The following ALDH7A1 variants were observed in gnomAD, a reference collection of about 807,000 sequenced individuals.
ALDH7A1 encodes the protein alpha-aminoadipic semialdehyde dehydrogenase.
Under a neutral mutation model 79.9 loss-of-function variants are expected in ALDH7A1, and 63 were observed. The ratio of observed to expected loss-of-function variants is 0.79; its 90% confidence interval spans 0.64 to 0.97. The LOEUF is 0.97. Among genes scored for constraint, ALDH7A1 ranks in the 50% least tolerant of loss-of-function variants. ALDH7A1 has a pLI of 0.00. For synonymous variants in ALDH7A1, 240 were observed against 231.2 expected (o/e 1.04, Z -0.34); for missense variants, 627 against 665.2 (o/e 0.94, Z 0.63).
At chr5:126,576,441 A>C (rs1479893203) in intron 6 of ALDH7A1, among the ~76,000 whole-genome samples, 1 of 152,196 alleles carries the variant, frequency 6.6e-6, no homozygotes, top group Admixed American at 6.5e-5. Flanking sequence ...TGCAAGCAAA[A>C]TGAGCTAAAG....
In ALDH7A1 at chr5:126,595,005, AC is replaced by A; in HGVS notation, c.192+1del. The A allele has an allele frequency of 6.3e-7, 1 of 1,594,896 alleles. No homozygotes were observed. Among genetic ancestry groups the A allele is most frequent in the Non-Finnish European group, 8.5e-7 (1 of 1,171,822 alleles). ...GCAGAGATTTCTTGAGCGCCCGCGT[AC>A]CTCTCCCCGGCCTCCCCAGCTTCCA... On this transcript the variant is annotated splice_donor_variant, in intron 1 of 17. Coordinates refer to ENST00000409134, the MANE Select transcript of ALDH7A1 (RefSeq NM_001182.5). LOFTEE classifies it high-confidence loss of function.
intron 7 of ALDH7A1, among the ~76,000 whole-genome samples, chr5:126,574,023 CAAAAAAA>C (rs34601459): frequency 3.8e-4 from 22 of 57,244 alleles, no homozygotes; most frequent in Admixed American, 6.5e-4. Flanking sequence ...AAGACTGTCT[CAAAAAAA>C]AAAAAAAAAA....
Position 126,555,344 on chromosome 5 carries a change from G to A in ALDH7A1, c.1093+587C>T, listed in dbSNP as rs144956138. ...CTAAAAATATGAAAATCAGTCAAGCGTGGTGGAATGCACCTGTAATCCCAG... is the reference window on the plus strand; with the variant it reads ...CTAAAAATATGAAAATCAGTCAAGCATGGTGGAATGCACCTGTAATCCCAG... On this transcript the variant is annotated intron_variant, in intron 12 of 17. Transcript: ENST00000409134. The A allele has an allele frequency of 3.7e-3, 575 of 154,926 alleles. 2 individuals carry two copies. The highest frequency in any genetic ancestry group is 7.9e-3 in the South Asian group (40 of 5,062). The allele number at this position is 154,926 out of a possible 1,614,324, so 9.6% of individuals were successfully genotyped here.
intron 10 of ALDH7A1, 75 bp from the exon 11 acceptor site, chr5:126,559,409 A>T: frequency 9.5e-7 from 1 of 1,047,574 alleles, no homozygotes; most frequent in Non-Finnish European, 1.4e-6. Context: ...GTATAAAACA[A>T]TGTTGTTTTT....
At position 126,595,176 on chromosome 5, in the gene ALDH7A1, A is replaced by T. The variant is rs796052255; in HGVS notation, c.23T>A (p.Leu8Gln). Residue 8 changes from leucine to glutamine, a missense_variant, in exon 1 of 18, where the codon CTG (leucine) becomes CAG (glutamine). Leu to Gln is a moderately radical substitution (Grantham distance 113). Coordinates refer to ENST00000409134, the MANE Select transcript of ALDH7A1 (RefSeq NM_001182.5). The stretch of plus-strand genomic sequence containing the variant: ...GCTGGTCTTTGCAGCGTGCACACAC[A>T]GCGCGCGAGGAAGGCGCCACATACT... MWRLPRA[L>Q]CVHAAKTSKL... The T allele has an allele frequency of 6.4e-7, 1 of 1,553,042 alleles. No homozygotes were observed. Among genetic ancestry groups the T allele is most frequent in the Non-Finnish European group, 8.7e-7 (1 of 1,147,630 alleles).
rs1750652628 is a variant in ALDH7A1 at position 126,568,109 on chromosome 5, T to A, written c.871+150A>T. ...GACTTCCCTAATATTCTACTGCTAA[T>A]AACTGTACCCTTTTCTTTTACTTAG... On this transcript the variant is annotated intron_variant, in intron 9 of 17. Coordinates refer to ENST00000409134, the MANE Select transcript of ALDH7A1 (RefSeq NM_001182.5). 11 of 740,670 alleles carry A rather than the reference T, an allele frequency of 1.5e-5. No individual in the cohort carries two copies. In the Admixed American group the frequency reaches 1.7e-4, roughly 11 times the overall value. The allele number at this position is 740,670 out of a possible 1,614,324, so 45.9% of individuals were successfully genotyped here.
At chr5:126,545,840 T>TG (rs1400441344) in intron 17 of ALDH7A1, among the ~76,000 whole-genome samples, 5 of 149,314 alleles carry the variant, frequency 3.3e-5, no homozygotes, top group African/African-American at 7.4e-5. Flanking sequence ...CAGCCCAGCA[T>TG]GGTGGCTCAT....
Position 126,568,318 on chromosome 5 carries a change from G to A in ALDH7A1, c.812C>T (p.Ser271Phe). The part of the protein sequence containing the change: ...MAKDERVNLL[S>F]FTGSTQVGKQ... ...TCCCACCTGAGTGCTCCCAGTGAAG[G>A]ACAGCAGGTTCACTCGTTCATCTTT... The change falls in exon 9 of 18, where the codon TCC (serine) becomes TTC (phenylalanine). Residue 271 changes from serine to phenylalanine, a missense_variant. Ser to Phe is a radical substitution (Grantham distance 155, BLOSUM62 -2). Transcript: ENST00000409134. 1 of 1,614,142 alleles carries A rather than the reference G, an allele frequency of 6.2e-7. No homozygotes were observed. Among genetic ancestry groups the A allele is most frequent in the Non-Finnish European group, 8.5e-7 (1 of 1,180,014 alleles).
intron 9 of ALDH7A1, among the ~76,000 whole-genome samples, chr5:126,563,933 A>G (rs1256756478): frequency 6.6e-6 from 1 of 151,894 alleles, no homozygotes; most frequent in Non-Finnish European, 1.5e-5. Flanking sequence ...TACAACAAGC[A>G]CGTGTCACAA....
At chr5:126,583,208 C>A (rs1679536383) in intron 4 of ALDH7A1, among the ~76,000 whole-genome samples, 1 of 152,192 alleles carries the variant, frequency 6.6e-6, no homozygotes, top group African/African-American at 2.4e-5. Flanking sequence ...CAACCGGGCA[C>A]AGTGGCTCAT....
intron 5 of ALDH7A1, 30 bp from the exon 6 acceptor site, chr5:126,577,241 G>A (rs746346481): frequency 6.2e-7 from 1 of 1,613,096 alleles, no homozygotes; most frequent in East Asian, 2.2e-5. Context: ...GGAACATGCA[G>A]AAGCATGTTA....
chr5:126,574,061 C>T (rs1581385160), intron 7 of ALDH7A1, among the ~76,000 whole-genome samples: 1 of 150,686 alleles, frequency 6.6e-6, no homozygotes, highest in South Asian at 2.1e-4. Context: ...ACATATTACC[C>T]TTGCTCTTTT....
intron 3 of ALDH7A1, chr5:126,588,711 C>T (rs151085621): frequency 6.3e-4 from 95 of 151,994 alleles, no homozygotes; most frequent in African/African-American, 2.1e-3. Context: ...TCAGTTGTAA[C>T]AAAATATGAC....
At chr5:126,547,062 A>G (rs562568327) in intron 16 of ALDH7A1, among the ~76,000 whole-genome samples, 18 of 152,320 alleles carry the variant, frequency 1.2e-4, no homozygotes, top group African/African-American at 4.3e-4. Flanking sequence ...GCCTGCACAC[A>G]TTTGAAATAA....
At chr5:126,583,113 T>A in intron 4 of ALDH7A1, 139 bp from the exon 5 acceptor site, 2 of 1,099,854 alleles carry the variant, frequency 1.8e-6, no homozygotes, top group Non-Finnish European at 2.7e-6. Flanking sequence ...CAAAGAATTT[T>A]AAAACACAAC....
intron 3 of ALDH7A1, among the ~76,000 whole-genome samples, chr5:126,590,970 T>C (rs1751533604): frequency 6.6e-6 from 1 of 151,338 alleles, no homozygotes; most frequent in Non-Finnish European, 1.5e-5. Context: ...ACCATGTATA[T>C]ATGGATGTAC....
chr5:126,547,060 A>G (rs1436479776), intron 16 of ALDH7A1, among the ~76,000 whole-genome samples: 2 of 152,206 alleles, frequency 1.3e-5, no homozygotes, highest in Non-Finnish European at 2.9e-5. Context: ...AAGCCTGCAC[A>G]CATTTGAAAT....
chr5:126,543,238 A>G lies in ALDH7A1; in HGVS notation c.*1727T>C, dbSNP rs1295469507. The G allele has an allele frequency of 7.0e-6, 1 of 141,948 alleles. No homozygotes were observed. Among genetic ancestry groups the G allele is most frequent in the Non-Finnish European group, 1.5e-5 (1 of 65,244 alleles). 8.8% of individuals were successfully genotyped at this position (141,948 alleles called of 1,614,324 possible). A position where few individuals can be genotyped will look rare whatever the true frequency, so the allele number is the denominator to read the frequency against. ...GAACAAAGAGGAACAAATTGAAGGCATATGTTTTAATGAACATTATAACCA... is the reference window on the plus strand; with the variant it reads ...GAACAAAGAGGAACAAATTGAAGGCGTATGTTTTAATGAACATTATAACCA... On this transcript the variant is annotated 3_prime_UTR_variant, in exon 18 of 18. Coordinates refer to ENST00000409134, the MANE Select transcript of ALDH7A1 (RefSeq NM_001182.5).
intron 9 of ALDH7A1, chr5:126,564,493 A>C: frequency 8.1e-7 from 1 of 1,228,448 alleles, no homozygotes; most frequent in Non-Finnish European, 1.0e-6. Context: ...GATTTCCTTA[A>C]GTGCACTTTA....
Sources: gnomAD v4.1 joint callset for allele counts (sites outside exome capture counted in the v4.1 genomes callset) on GRCh38, gnomAD v4.1.1 for gene constraint, MANE v1.5 for transcripts, NCBI Gene and HGNC (gene_info 2026-07-23, HGNC 2026-07-21) for gene names.